Variants in RAPGEF5 observed in about 807,000 individuals in gnomAD.
The protein encoded by RAPGEF5 is Rap guanine nucleotide exchange factor 5, also known as M-Ras-regulated GEF.
Under a neutral mutation model 125.2 loss-of-function variants are expected in RAPGEF5, and 65 were observed. That is an observed-to-expected ratio of 0.52 (90% CI 0.43 to 0.64). RAPGEF5 has a LOEUF of 0.64. RAPGEF5 is among the 30% of genes least tolerant of loss of function. The pLI is 0.00. For synonymous variants in RAPGEF5, 391 were observed against 385.9 expected, an observed-to-expected ratio of 1.01 and a Z score of -0.16; for missense variants, 958 against 1,048.1, an observed-to-expected ratio of 0.91 and a Z score of 1.19.
chr7:22,316,976 T>TA (rs769310401), intron 2 of RAPGEF5, among the ~76,000 whole-genome samples: 1,285 of 125,420 alleles, frequency 0.01, 11 homozygotes, highest in African/African-American at 0.026. Context: ...TAAAACTATT[T>TA]AAAAAAAAAA....
At chr7:22,293,283 C>A (rs554982687) in intron 5 of RAPGEF5, among the ~76,000 whole-genome samples, 6 of 152,098 alleles carry the variant, frequency 3.9e-5, no homozygotes, top group Admixed American at 3.9e-4. Flanking sequence ...ACATGGGTAC[C>A]TTACAGGCTA....
chr7:22,122,510 G>A lies in RAPGEF5; in HGVS notation c.2548C>T (p.Pro850Ser). Reference protein sequence around the residue: ...CRTNQFGDLSPKEHQELKSYV... With the variant: ...CRTNQFGDLSSKEHQELKSYV... ...GACTTTAACTCTTGATGCTCTTTTG[G>A]AGACAGGTCACCTGTTGTTTAGAGG... Residue 850 changes from proline to serine, a missense_variant, in exon 26 of 26, where the codon CCA becomes TCA. Pro to Ser is a moderately conservative substitution (Grantham distance 74). Coordinates refer to ENST00000665637, the MANE Select transcript of RAPGEF5 (RefSeq NM_012294.5). 2 of 1,612,506 alleles carry A rather than the reference G, an allele frequency of 1.2e-6. No individual in the cohort carries two copies. Among genetic ancestry groups the A allele is most frequent in the Non-Finnish European group, 1.7e-6 (2 of 1,178,794 alleles).
intron 3 of RAPGEF5, among the ~76,000 whole-genome samples, chr7:22,311,501 T>C (rs779704735): frequency 1.3e-5 from 2 of 152,154 alleles, no homozygotes; most frequent in African/African-American, 4.8e-5. Flanking sequence ...TGAACTGCCA[T>C]GGATGCTACA....
intron 9 of RAPGEF5, among the ~76,000 whole-genome samples, chr7:22,201,930 GT>G (rs1785287029): frequency 6.6e-6 from 1 of 152,144 alleles, no homozygotes; most frequent in Non-Finnish European, 1.5e-5. Flanking sequence ...GTTTGGTTTG[GT>G]TTTACATCCA....
At chr7:22,270,343 C>A (rs113399797) in intron 6 of RAPGEF5, among the ~76,000 whole-genome samples, 9 of 152,266 alleles carry the variant, frequency 5.9e-5, no homozygotes, top group African/African-American at 2.2e-4. Flanking sequence ...GAGACAGACC[C>A]GGTACCAACA....
chr7:22,212,523 G>A (rs1156449120), intron 9 of RAPGEF5, among the ~76,000 whole-genome samples: 1 of 152,142 alleles, frequency 6.6e-6, no homozygotes, highest in Non-Finnish European at 1.5e-5. Flanking sequence ...AGTCCTTCAG[G>A]AACCAAGCCA....
intron 9 of RAPGEF5, among the ~76,000 whole-genome samples, chr7:22,203,219 G>A (rs567242899): frequency 6.6e-6 from 1 of 152,114 alleles, no homozygotes; most frequent in African/African-American, 2.4e-5. Context: ...CTCTGCCAGA[G>A]GAGGGCTAGG....
At chr7:22,310,442 C>T (rs1783442344) in intron 3 of RAPGEF5, among the ~76,000 whole-genome samples, 1 of 152,144 alleles carries the variant, frequency 6.6e-6, no homozygotes, top group African/African-American at 2.4e-5. Context: ...GAACAGTCCA[C>T]AATACACAGT....
chr7:22,297,651 G>T (rs925025827), intron 5 of RAPGEF5, among the ~76,000 whole-genome samples: 1 of 152,242 alleles, frequency 6.6e-6, no homozygotes, highest in Non-Finnish European at 1.5e-5. Flanking sequence ...GGCCAGTGAT[G>T]GCTGAAGAGA....
At chr7:22,194,719 T>A in intron 9 of RAPGEF5, 1 of 985,460 alleles carries the variant, frequency 1.0e-6, no homozygotes, top group Non-Finnish European at 1.2e-6. Flanking sequence ...TGCACAGACT[T>A]TCTTCACCTC....
At chr7:22,138,565 A>C (rs1048941711) in intron 21 of RAPGEF5, among the ~76,000 whole-genome samples, 1 of 152,290 alleles carries the variant, frequency 6.6e-6, no homozygotes, top group Middle Eastern at 3.4e-3. Flanking sequence ...AGTAACTCTC[A>C]GCTGGACCTC....
intron 1 of RAPGEF5, among the ~76,000 whole-genome samples, chr7:22,347,885 C>A (rs968314153): frequency 1.4e-4 from 21 of 152,162 alleles, no homozygotes; most frequent in African/African-American, 4.8e-4. Context: ...ATTTTCAGCA[C>A]CACCACCTAC....
rs1782538664 is a variant in RAPGEF5, at chr7:22,120,041, G to T, written c.*2365C>A. 1 of 152,224 alleles carries T rather than the reference G, an allele frequency of 6.6e-6. No individual in the cohort carries two copies. Among genetic ancestry groups the T allele is most frequent in the Non-Finnish European group, 1.5e-5 (1 of 68,050 alleles). 9.4% of individuals were successfully genotyped at this position (152,224 alleles called of 1,614,324 possible). A position where few individuals can be genotyped will look rare whatever the true frequency, so the allele number is the denominator to read the frequency against. On this transcript the variant is annotated 3_prime_UTR_variant, in exon 26 of 26. Coordinates refer to ENST00000665637, the MANE Select transcript of RAPGEF5 (RefSeq NM_012294.5). The surrounding 1 kb of genome is among the most constrained non-coding windows in gnomAD (Gnocchi z 4.0). ...TGGAAACTTCTGAGAGCTGCTGCCT[G>T]GCAAACCTCTGGAGACAGTTGTTAA...
intron 7 of RAPGEF5, among the ~76,000 whole-genome samples, chr7:22,263,097 TA>T (rs1782195281): frequency 6.6e-6 from 1 of 152,232 alleles, no homozygotes; most frequent in South Asian, 2.1e-4. Context: ...TCTATTTATA[TA>T]ATATTTTTGA....
chr7:22,330,258 G>A (rs1783890279), intron 1 of RAPGEF5, among the ~76,000 whole-genome samples: 1 of 152,224 alleles, frequency 6.6e-6, no homozygotes, highest in South Asian at 2.1e-4. Context: ...TGAGAAAGCA[G>A]GACAAGGCTG....
At chr7:22,235,084 G>T (rs1256448863) in intron 7 of RAPGEF5, among the ~76,000 whole-genome samples, 1 of 152,114 alleles carries the variant, frequency 6.6e-6, no homozygotes, top group Non-Finnish European at 1.5e-5. Context: ...CAACCCCAAA[G>T]ATGACTACAG....
chr7:22,135,803 A>G (rs141055280), intron 23 of RAPGEF5, among the ~76,000 whole-genome samples: 106 of 152,304 alleles, frequency 7.0e-4, no homozygotes, highest in African/African-American at 2.5e-3. Context: ...TCCAGTGCCA[A>G]GTTTTGTGAG....
chr7:22,197,442 A>G (rs892012298), intron 9 of RAPGEF5, among the ~76,000 whole-genome samples: 19 of 152,218 alleles, frequency 1.2e-4, no homozygotes, highest in African/African-American at 4.3e-4. Flanking sequence ...CTGTGAACAC[A>G]TTAACTGAAG....
In RAPGEF5 at chr7:22,145,202, C is replaced by A. The variant is rs748833071; in HGVS notation, c.2028G>T (p.Thr676=). The change falls in exon 20 of 26, where the codon ACG becomes ACT. Residue 676 remains threonine, a synonymous_variant. Coordinates refer to ENST00000665637, the MANE Select transcript of RAPGEF5 (RefSeq NM_012294.5). ...GTTCCCCACTTCCCTGTCTGCTGAACGTGAAGTAGATCAGCTCTTGCTGAA... is the reference window on the plus strand; with the variant it reads ...GTTCCCCACTTCCCTGTCTGCTGAAAGTGAAGTAGATCAGCTCTTGCTGAA... ...SIHEQELIYF[T]FSRQGSGEHT... The A allele has an allele frequency of 3.1e-6, 5 of 1,612,494 alleles. No homozygotes were observed. Among genetic ancestry groups the A allele is most frequent in the Middle Eastern group, 1.7e-4 (1 of 6,060 alleles).
Sources: gnomAD v4.1 joint callset for allele counts (sites outside exome capture counted in the v4.1 genomes callset) on GRCh38, gnomAD v4.1.1 for gene constraint, Gnocchi (gnomAD v3.1) non-coding constraint, MANE v1.5 for transcripts, NCBI Gene and HGNC (gene_info 2026-07-23, HGNC 2026-07-21) for gene names.